DENND1A: variants seen among roughly 807,000 people sequenced by gnomAD.
DENND1A encodes DENN domain-containing protein 1A.
Under a neutral mutation model 113.7 loss-of-function variants are expected in DENND1A, and 51 were observed. That is an observed-to-expected ratio of 0.45 (90% CI 0.36 to 0.57). The LOEUF (loss-of-function observed/expected upper bound fraction) is 0.57. Ranked by LOEUF, DENND1A falls within the 20% of genes least tolerant of loss-of-function variation. The pLI is 0.00. For missense variants in DENND1A, 1,258 were observed against 1,395.9 expected (o/e 0.90, Z 1.57); for synonymous variants, 565 against 570.8 (o/e 0.99, Z 0.14).
At chr9:123,410,774 C>T (rs2044243251) in intron 20 of DENND1A, among the ~76,000 whole-genome samples, 1 of 152,208 alleles carries the variant, frequency 6.6e-6, no homozygotes, top group Non-Finnish European at 1.5e-5. Flanking sequence ...AGGACTAGGA[C>T]ACTGGGTTGT....
intron 16 of DENND1A, among the ~76,000 whole-genome samples, chr9:123,453,837 T>C (rs2047913464): frequency 6.6e-6 from 1 of 152,228 alleles, no homozygotes; most frequent in African/African-American, 2.4e-5. Flanking sequence ...TATTCCATAC[T>C]GCTTTCCAAA....
chr9:123,902,442 C>T (rs985011044), intron 1 of DENND1A, among the ~76,000 whole-genome samples: 10 of 152,144 alleles, frequency 6.6e-5, no homozygotes, highest in African/African-American at 2.4e-4. Flanking sequence ...CAACTAGGAA[C>T]AATGAACATA....
intron 3 of DENND1A, among the ~76,000 whole-genome samples, chr9:123,785,118 T>C (rs967493287): frequency 1.3e-5 from 2 of 152,040 alleles, no homozygotes; most frequent in African/African-American, 4.8e-5. Flanking sequence ...GGGAAGAGGA[T>C]TGCTTGAGGC....
At chr9:123,516,884 C>CAAAAAAAAAAAAAAAAAAA (rs546001517) in intron 13 of DENND1A, among the ~76,000 whole-genome samples, 41 of 93,374 alleles carry the variant, frequency 4.4e-4, no homozygotes, top group Admixed American at 6.3e-4. Context: ...GACTCTGTCT[C>CAAAAAAAAAAAAAAAAAAA]AAAAAAAAAA....
At chr9:123,624,846 C>T (rs1339750816) in intron 10 of DENND1A, among the ~76,000 whole-genome samples, 2 of 152,120 alleles carry the variant, frequency 1.3e-5, no homozygotes, top group African/African-American at 2.4e-5. Flanking sequence ...GAAAATAAAA[C>T]ATCTAATGTA....
Position 123,381,085 on chromosome 9 carries a change from T to C in DENND1A, c.*347A>G, listed in dbSNP as rs545881255. The C allele has an allele frequency of 1.4e-3, 406 of 286,034 alleles. 2 individuals are homozygous for C. Among genetic ancestry groups the C allele is most frequent in the Non-Finnish European group, 2.5e-3 (371 of 150,086 alleles). 17.7% of individuals were successfully genotyped at this position (286,034 alleles called of 1,614,324 possible). The stretch of plus-strand genomic sequence containing the variant: ...TCGGAGGGGAGGCCTTCGGAGCCTC[T>C]TGGGACACTTCCGGGGGAAGGTGGG... On this transcript the variant is annotated 3_prime_UTR_variant, in exon 24 of 24. Transcript: ENST00000394215. This position sits in a 1 kb window ranked among gnomAD's most constrained non-coding sequence, Gnocchi z 4.7.
chr9:123,439,785 A>C, intron 19 of DENND1A: 1 of 152,184 alleles, frequency 6.6e-6, no homozygotes, highest in East Asian at 1.9e-4. Context: ...TTTAGTTTCT[A>C]TACAGAGTGG....
intron 1 of DENND1A, among the ~76,000 whole-genome samples, chr9:123,917,868 T>G (rs574091410): frequency 6.6e-6 from 1 of 152,034 alleles, no homozygotes; most frequent in East Asian, 1.9e-4. Context: ...CTCAGCGCTT[T>G]GGGAGGCCGA....
intron 1 of DENND1A, among the ~76,000 whole-genome samples, chr9:123,900,799 C>A (rs1456733347): frequency 6.6e-6 from 1 of 152,178 alleles, no homozygotes; most frequent in African/African-American, 2.4e-5. Context: ...TAAATTTATT[C>A]ATTCCACACT....
intron 2 of DENND1A, among the ~76,000 whole-genome samples, chr9:123,856,608 T>C (rs760990861): frequency 2.0e-5 from 3 of 152,056 alleles, no homozygotes; most frequent in Non-Finnish European, 4.4e-5. Flanking sequence ...TGAGGAGGAT[T>C]ATGCAGGGAA....
At chr9:123,421,709 T>C (rs2045321234) in intron 19 of DENND1A, among the ~76,000 whole-genome samples, 1 of 152,030 alleles carries the variant, frequency 6.6e-6, no homozygotes, top group Non-Finnish European at 1.5e-5. Context: ...TGAGAAGAAT[T>C]CTCCTCATTT....
intron 9 of DENND1A, among the ~76,000 whole-genome samples, chr9:123,642,548 A>G (rs1258535199): frequency 6.6e-6 from 1 of 152,276 alleles, no homozygotes; most frequent in Non-Finnish European, 1.5e-5. Flanking sequence ...CCTTTTTAAC[A>G]TATAAAAGAT....
chr9:123,381,445 TC>T lies in DENND1A; in HGVS notation c.3199del (p.Glu1067ArgfsTer59). Reference protein sequence around the residue: ...DSVEQLRKQWETFE With the variant: ...DSVEQLRKQWXTFE The stretch of plus-strand genomic sequence containing the variant: ...TCAGGGCCCGGCTCACTCGAAGGTC[TC>T]CCACTGCTTCCTGAGCTGCTCCACC... On this transcript the variant is annotated frameshift_variant, in exon 24 of 24. Coordinates refer to ENST00000394215, the MANE Select transcript of DENND1A (RefSeq NM_001352964.2). LOFTEE classifies it high-confidence loss of function. This position sits in a 1 kb window ranked among gnomAD's most constrained non-coding sequence, Gnocchi z 4.7. 1 of 1,613,158 alleles carries T rather than the reference TC, an allele frequency of 6.2e-7. No individual in the cohort carries two copies. The highest frequency in any genetic ancestry group is 8.5e-7 in the Non-Finnish European group (1 of 1,179,928).
intron 11 of DENND1A, among the ~76,000 whole-genome samples, chr9:123,585,082 C>CGG (rs2059099259): frequency 2.6e-5 from 4 of 151,734 alleles, no homozygotes; most frequent in Admixed American, 6.5e-5. Flanking sequence ...ACAAGCCTCA[C>CGG]TAGGATTGAA....
intron 1 of DENND1A, among the ~76,000 whole-genome samples, chr9:123,879,431 G>A (rs1847997012): frequency 6.6e-6 from 1 of 152,128 alleles, no homozygotes; most frequent in South Asian, 2.1e-4. Context: ...TACTTGGGAG[G>A]CTAAGGTGGG....
chr9:123,662,339 A>G (rs1488105283), intron 8 of DENND1A, among the ~76,000 whole-genome samples: 1 of 152,204 alleles, frequency 6.6e-6, no homozygotes, highest in African/African-American at 2.4e-5. Flanking sequence ...AGGCAGGTGG[A>G]TCAATTGAGG....
intron 5 of DENND1A, among the ~76,000 whole-genome samples, chr9:123,691,432 C>T (rs1436669887): frequency 6.6e-6 from 1 of 152,220 alleles, no homozygotes; most frequent in East Asian, 1.9e-4. Flanking sequence ...GAAGCACATT[C>T]TGTCTGGAGG....
At chr9:123,774,201 G>A (rs1778891) in intron 3 of DENND1A, among the ~76,000 whole-genome samples, 18,344 of 152,004 alleles carry the variant, frequency 0.12, 1,439 homozygotes, top group African/African-American at 0.22. Flanking sequence ...TCCTGCAATT[G>A]CAAGCAGTGC....
At chr9:123,568,724 T>G (rs1414890223) in intron 12 of DENND1A, among the ~76,000 whole-genome samples, 1 of 152,062 alleles carries the variant, frequency 6.6e-6, no homozygotes, top group African/African-American at 2.4e-5. Flanking sequence ...GGATTCATGG[T>G]GGATCACATG....
Sources: gnomAD v4.1 joint callset for allele counts (sites outside exome capture counted in the v4.1 genomes callset) on GRCh38, gnomAD v4.1.1 for gene constraint, Gnocchi (gnomAD v3.1) non-coding constraint, MANE v1.5 for transcripts, NCBI Gene and HGNC (gene_info 2026-07-23, HGNC 2026-07-21) for gene names.